Variants in MYO9B observed in about 807,000 individuals in gnomAD.
MYO9B encodes the protein unconventional myosin-IXb.
In MYO9B, 71 loss-of-function variants were observed where a neutral mutation model predicts 229.5. The observed-to-expected ratio is 0.31, with a 90% CI of 0.26 to 0.38. The LOEUF is 0.38. Ranked by LOEUF, MYO9B falls within the 10% of genes least tolerant of loss-of-function variation. The pLI is 1.00. For missense variants in MYO9B, 2,255 were observed against 2,920.5 expected (o/e 0.77, Z 5.25); for synonymous variants, 1,185 against 1,235.8 (o/e 0.96, Z 0.86).
chr19:17,208,378 G>T (rs1033747439), intron 35 of MYO9B, among the ~76,000 whole-genome samples: 6 of 149,924 alleles, frequency 4.0e-5, no homozygotes, highest in Non-Finnish European at 7.4e-5. Context: ...GGCCCCAGCA[G>T]TTGTGTCTTT....
intron 2 of MYO9B, among the ~76,000 whole-genome samples, chr19:17,109,569 A>G (rs568378740): frequency 1.3e-5 from 2 of 152,216 alleles, no homozygotes; most frequent in African/African-American, 2.4e-5. Context: ...GCCCTCAAAC[A>G]GCAGGGGTTG....
chr19:17,097,307 C>T (rs1313902612), intron 1 of MYO9B, among the ~76,000 whole-genome samples: 1 of 148,872 alleles, frequency 6.7e-6, no homozygotes, highest in Non-Finnish European at 1.5e-5. Context: ...GGTGATAAAG[C>T]GAGACTCCAT....
chr19:17,083,645 CTTTTTTTT>C (rs5827358), intron 1 of MYO9B, among the ~76,000 whole-genome samples: 1 of 121,232 alleles, frequency 8.2e-6, no homozygotes, highest in African/African-American at 3.3e-5. Flanking sequence ...ATGCTGCCCT[CTTTTTTTT>C]TTTTTTTTTT....
chr19:17,142,500 A>G (rs2072354200), intron 2 of MYO9B, among the ~76,000 whole-genome samples: 1 of 152,020 alleles, frequency 6.6e-6, no homozygotes, highest in African/African-American at 2.4e-5. Context: ...GAACCCACTT[A>G]TCTTCCCACC....
rs1303601555 is a variant in MYO9B, at chr19:17,167,993, C to T, written c.1722C>T (p.Asp574=). 1 of 1,605,944 alleles carries T rather than the reference C, an allele frequency of 6.2e-7. No homozygotes were observed. Among genetic ancestry groups the T allele is most frequent in the East Asian group, 2.2e-5 (1 of 44,608 alleles). The part of the protein sequence containing the change: ...GITWHNIGYT[D]NVGCIHLISK... ...CGTGGCACAACATCGGCTACACAGA[C>T]AATGTCGGCTGCATCCATCTCATCA... The change falls in exon 11 of 40, where the codon GAC becomes GAT. Residue 574 remains aspartate, a synonymous_variant. Transcript: ENST00000682292.
chr19:17,170,831 TA>T (rs548201494), intron 11 of MYO9B, among the ~76,000 whole-genome samples: 46 of 120,864 alleles, frequency 3.8e-4, no homozygotes, highest in East Asian at 7.0e-4. Flanking sequence ...CTCTAAAAAT[TA>T]AAAAAAAAAA....
intron 28 of MYO9B, among the ~76,000 whole-genome samples, 184 bp from the exon 29 acceptor site, chr19:17,202,658 C>G (rs1017983948): frequency 2.6e-5 from 4 of 152,212 alleles, no homozygotes; most frequent in African/African-American, 9.6e-5. Context: ...GAGCCCTGCA[C>G]CCTCCCCAAC....
At chr19:17,191,040 C>T in intron 19 of MYO9B, 57 bp from the exon 20 acceptor site, 2 of 1,556,274 alleles carry the variant, frequency 1.3e-6, no homozygotes, top group Non-Finnish European at 1.8e-6. Flanking sequence ...TCTCTGTCTC[C>T]TCATCGCTGG....
At position 17,101,473 on chromosome 19, in the gene MYO9B, A is replaced by G. The variant is rs1185945930; in HGVS notation, c.-58-187A>G. 6.6e-6 allele frequency among the ~76,000 whole-genome samples: 1 copy of G among 152,096 alleles called. No homozygotes were observed. Among genetic ancestry groups the G allele is most frequent in the Non-Finnish European group, 1.5e-5 (1 of 67,998 alleles). On this transcript the variant is annotated intron_variant, in intron 1 of 39. Coordinates refer to ENST00000682292, the MANE Select transcript of MYO9B (RefSeq NM_004145.4). The surrounding 1 kb of genome is among the most constrained non-coding windows in gnomAD (Gnocchi z 4.7). ...TGAGCCACTGCAGGAGCCTGAGGTCACATTGAAGGACAGACAGACCCTCAC... is the reference window on the plus strand; with the variant it reads ...TGAGCCACTGCAGGAGCCTGAGGTCGCATTGAAGGACAGACAGACCCTCAC...
chr19:17,194,508 A>G (rs938858286), intron 21 of MYO9B, 48 bp from the exon 22 acceptor site: 2 of 1,584,808 alleles, frequency 1.3e-6, no homozygotes, highest in Non-Finnish European at 1.7e-6. Context: ...TGGGAGGTGG[A>G]GGGAGTGTTT....
chr19:17,082,088 T>A (rs572790857), intron 1 of MYO9B, among the ~76,000 whole-genome samples: 1 of 152,258 alleles, frequency 6.6e-6, no homozygotes, highest in Admixed American at 6.5e-5. Context: ...AAAAGAAGTT[T>A]CTGGAAGGTC....
intron 11 of MYO9B, 139 bp downstream of exon 11, chr19:17,168,203 C>CA: frequency 8.1e-7 from 1 of 1,236,550 alleles, no homozygotes; most frequent in Non-Finnish European, 1.1e-6. Flanking sequence ...CTCACTCTGT[C>CA]ACCCAGGCTG....
At chr19:17,123,676 T>C (rs1335078839) in intron 2 of MYO9B, among the ~76,000 whole-genome samples, 1 of 152,012 alleles carries the variant, frequency 6.6e-6, no homozygotes, top group Non-Finnish European at 1.5e-5. Context: ...CCCAAAGTAC[T>C]GGGATTACAG....
At chr19:17,188,319 CT>C (rs1240330176) in intron 19 of MYO9B, among the ~76,000 whole-genome samples, 2 of 150,756 alleles carry the variant, frequency 1.3e-5, no homozygotes, top group East Asian at 3.9e-4. Flanking sequence ...TTCCTAGCTA[CT>C]GAGGAGGCTG....
intron 22 of MYO9B, among the ~76,000 whole-genome samples, chr19:17,196,610 G>A (rs2073045813): frequency 6.6e-6 from 1 of 151,816 alleles, no homozygotes; most frequent in East Asian, 1.9e-4. Flanking sequence ...TTGAACCTGG[G>A]AGGCAGAGGT....
intron 14 of MYO9B, among the ~76,000 whole-genome samples, chr19:17,178,926 G>A (rs2145393345): frequency 6.6e-6 from 1 of 151,722 alleles, no homozygotes; most frequent in Non-Finnish European, 1.5e-5. Context: ...AGCTACTGGG[G>A]AGGCTGAGGC....
chr19:17,132,196 T>C (rs1462566816), intron 2 of MYO9B, among the ~76,000 whole-genome samples: 6 of 138,140 alleles, frequency 4.3e-5, no homozygotes, highest in Non-Finnish European at 6.3e-5. Flanking sequence ...TTTTTTTTTT[T>C]TTTTTTTGAG....
Position 17,197,780 on chromosome 19 carries a change from G to C in MYO9B, c.4047-12G>C, listed in dbSNP as rs1455889110. On this transcript the variant is annotated splice_polypyrimidine_tract_variant and intron_variant, in intron 22 of 39. Coordinates refer to ENST00000682292, the MANE Select transcript of MYO9B (RefSeq NM_004145.4). ...TCTAGTCAGTAAAAGCCATGTTTCTGTGATCTCGCAGGGAGAGGCGCACCT... is the reference window on the plus strand; with the variant it reads ...TCTAGTCAGTAAAAGCCATGTTTCTCTGATCTCGCAGGGAGAGGCGCACCT... 1 of 1,613,764 alleles carries C rather than the reference G, an allele frequency of 6.2e-7. No homozygotes were observed.
chr19:17,090,626 CT>C (rs1233254679), intron 1 of MYO9B, among the ~76,000 whole-genome samples: 1 of 152,162 alleles, frequency 6.6e-6, no homozygotes, highest in Non-Finnish European at 1.5e-5. Context: ...TACACAAGGC[CT>C]TGGTCGTACT....
Sources: allele counts gnomAD v4.1 joint callset (sites outside exome capture counted in the v4.1 genomes callset), GRCh38; gene constraint gnomAD v4.1.1; non-coding constraint Gnocchi (gnomAD v3.1); transcripts MANE v1.5; gene names NCBI Gene and HGNC (gene_info 2026-07-23, HGNC 2026-07-21).